Variants in MBOAT2 observed in about 807,000 individuals in gnomAD.
MBOAT2 encodes membrane bound glycerophospholipid O-acyltransferase 2.
In MBOAT2, 28 loss-of-function variants were observed where a neutral mutation model predicts 63.4. The observed-to-expected ratio is 0.44, with a 90% CI of 0.33 to 0.61. The LOEUF (loss-of-function observed/expected upper bound fraction) is 0.61. Among genes scored for constraint, MBOAT2 ranks in the 20% least tolerant of loss-of-function variants. The probability of loss-of-function intolerance (pLI) is 0.03; values close to 1 mark genes in which losing one functional copy is unlikely to be tolerated. For missense variants in MBOAT2, 470 were observed against 605.8 expected (o/e 0.78, Z 2.35); for synonymous variants, 211 against 215.6 (o/e 0.98, Z 0.19).
chr2:8,983,605 G>A (rs116471398), intron 1 of MBOAT2, among the ~76,000 whole-genome samples: 4,525 of 152,294 alleles, frequency 0.03, 116 homozygotes, highest in Non-Finnish European at 0.047. Flanking sequence ...TGCAACCTAT[G>A]ATTCCAAACT....
intron 3 of MBOAT2, among the ~76,000 whole-genome samples, chr2:8,912,279 A>G (rs1558606096): frequency 2.7e-5 from 4 of 146,776 alleles, no homozygotes. Flanking sequence ...GAAAGACAGA[A>G]AGACAGAAGG....
chr2:8,993,334 G>A (rs1453183066), intron 1 of MBOAT2, among the ~76,000 whole-genome samples: 1 of 152,134 alleles, frequency 6.6e-6, no homozygotes, highest in African/African-American at 2.4e-5. Context: ...GACCTGCTGC[G>A]CGGTCCTTCA....
intron 2 of MBOAT2, among the ~76,000 whole-genome samples, chr2:8,952,540 G>A (rs1210786250): frequency 1.3e-5 from 2 of 152,136 alleles, no homozygotes; most frequent in African/African-American, 4.8e-5. Context: ...CACTATTAAT[G>A]TGTGGCTAAG....
In MBOAT2 at chr2:8,858,427, A is replaced by G. The variant is rs933470635; in HGVS notation, c.*252T>C. 6.8e-5 allele frequency: 28 copies of G among 411,004 alleles called. No individual in the cohort carries two copies. The Admixed American group carries it at 8.8e-4, about 13-fold the overall frequency. 25.5% of individuals were successfully genotyped at this position (411,004 alleles called of 1,614,324 possible). A position where few individuals can be genotyped will look rare whatever the true frequency, so the allele number is the denominator to read the frequency against. On this transcript the variant is annotated 3_prime_UTR_variant, in exon 13 of 13. Transcript: ENST00000305997. ...ACAGGGCACGCGTGTGACCCTACGG[A>G]CAAGTGCTGAGGTTGGGAGTGCCCA...
At chr2:8,868,378 C>T in intron 9 of MBOAT2, 68 bp downstream of exon 9, 2 of 1,339,892 alleles carry the variant, frequency 1.5e-6, no homozygotes, top group Admixed American at 1.8e-5. Context: ...GACATCACAC[C>T]ATAACTTATG....
At chr2:8,950,835 T>A (rs997470251) in intron 2 of MBOAT2, among the ~76,000 whole-genome samples, 3 of 152,148 alleles carry the variant, frequency 2.0e-5, no homozygotes, top group African/African-American at 7.2e-5. Context: ...TCCTAAGAGT[T>A]TTTTTTATCA....
intron 2 of MBOAT2, among the ~76,000 whole-genome samples, chr2:8,952,376 G>A (rs1204402473): frequency 6.6e-6 from 1 of 152,188 alleles, no homozygotes; most frequent in African/African-American, 2.4e-5. Flanking sequence ...ATGTGCAGAT[G>A]AGAAAAATGT....
At chr2:8,950,327 T>C (rs1372345734) in intron 2 of MBOAT2, among the ~76,000 whole-genome samples, 2 of 152,206 alleles carry the variant, frequency 1.3e-5, no homozygotes, top group East Asian at 1.9e-4. Flanking sequence ...TCTTGCTTAA[T>C]TGCTGTGGCT....
At chr2:8,882,018 T>G (rs1485360775) in intron 6 of MBOAT2, among the ~76,000 whole-genome samples, 1 of 152,216 alleles carries the variant, frequency 6.6e-6, no homozygotes, top group Non-Finnish European at 1.5e-5. Context: ...AAGTAGAAGC[T>G]TATCCCAGAA....
chr2:8,860,159 C>A (rs1661394230), intron 12 of MBOAT2, among the ~76,000 whole-genome samples: 1 of 152,038 alleles, frequency 6.6e-6, no homozygotes, highest in Non-Finnish European at 1.5e-5. Context: ...CCACTGCACT[C>A]CAGCCTGGGC....
At chr2:8,942,769 C>A (rs1668145977) in intron 3 of MBOAT2, among the ~76,000 whole-genome samples, 1 of 152,234 alleles carries the variant, frequency 6.6e-6, no homozygotes, top group Non-Finnish European at 1.5e-5. Flanking sequence ...CCAGTCTACT[C>A]AGTTCACTGC....
At chr2:8,897,557 G>T (rs1664578377) in intron 4 of MBOAT2, among the ~76,000 whole-genome samples, 1 of 152,222 alleles carries the variant, frequency 6.6e-6, no homozygotes, top group African/African-American at 2.4e-5. Flanking sequence ...CCAGTTCTAA[G>T]GCTTGGGTAA....
intron 1 of MBOAT2, among the ~76,000 whole-genome samples, chr2:8,958,885 G>A (rs1290041120): frequency 2.6e-5 from 4 of 152,226 alleles, no homozygotes; most frequent in African/African-American, 9.6e-5. Context: ...GCCACGTGGG[G>A]AGAGGTGTAG....
intron 3 of MBOAT2, among the ~76,000 whole-genome samples, chr2:8,935,041 T>G (rs1667565773): frequency 6.6e-6 from 1 of 152,088 alleles, no homozygotes; most frequent in Non-Finnish European, 1.5e-5. Context: ...AGGGTCATGG[T>G]GGATTGAGAT....
Position 8,888,655 on chromosome 2 carries a change from G to GA in MBOAT2, c.396-583dup, listed in dbSNP as rs201861670. On this transcript the variant is annotated intron_variant, in intron 4 of 12. Coordinates refer to ENST00000305997, the MANE Select transcript of MBOAT2 (RefSeq NM_138799.4). ...ATAATTGAATGAATAACTTAGAAAG[G>GA]AAAAAACACATCCACATAAGAAAAC... 6.9e-3 allele frequency among the ~76,000 whole-genome samples: 1,056 copies of GA among 152,102 alleles called. 12 individuals carry two copies. The highest frequency in any genetic ancestry group is 0.02 in the South Asian group (97 of 4,812).
chr2:8,869,159 G>A (rs1662122793), intron 8 of MBOAT2, among the ~76,000 whole-genome samples: 1 of 151,372 alleles, frequency 6.6e-6, no homozygotes, highest in Non-Finnish European at 1.5e-5. Flanking sequence ...CAATCCTCCT[G>A]TCTCAGCCTC....
At chr2:8,968,268 G>A (rs373487222) in intron 1 of MBOAT2, among the ~76,000 whole-genome samples, 11 of 152,310 alleles carry the variant, frequency 7.2e-5, no homozygotes, top group African/African-American at 2.6e-4. Context: ...CAGGAAAACA[G>A]GGTCTGGAGT....
chr2:8,989,338 T>A (rs931902793), intron 1 of MBOAT2, among the ~76,000 whole-genome samples: 2 of 152,182 alleles, frequency 1.3e-5, no homozygotes, highest in African/African-American at 4.8e-5. Flanking sequence ...CCTCATGGGT[T>A]CTATCATTGG....
intron 1 of MBOAT2, chr2:8,974,352 T>A (rs1254944461): frequency 6.6e-6 from 3 of 456,270 alleles, no homozygotes; most frequent in South Asian, 3.1e-5. Context: ...ACAACAAAGA[T>A]ACTTGCTTTT....
Sources: gnomAD v4.1 joint callset for allele counts (sites outside exome capture counted in the v4.1 genomes callset) on GRCh38, gnomAD v4.1.1 for gene constraint, MANE v1.5 for transcripts, NCBI Gene and HGNC (gene_info 2026-07-23, HGNC 2026-07-21) for gene names.